The following BRCA2 variants were observed in gnomAD, a reference collection of about 807,000 sequenced individuals.
BRCA2 encodes breast cancer type 2 susceptibility protein.
Under a neutral mutation model 276.7 loss-of-function variants are expected in BRCA2, and 203 were observed. That is an observed-to-expected ratio of 0.73 (90% confidence interval 0.65 to 0.82). BRCA2 has a LOEUF of 0.82. Ranked by LOEUF, BRCA2 falls within the 40% of genes least tolerant of loss-of-function variation. The pLI is 0.00. For synonymous variants in BRCA2, 1,289 were observed against 1,338.4 expected (o/e 0.96, Z 0.81); for missense variants, 3,920 against 3,915.0 (o/e 1.00, Z -0.03).
rs2137620314 is a variant in BRCA2, at chr13:32,379,465, C to T, written c.8903C>T (p.Thr2968Ile). ...KEQGLSRDVT[T>I]VWKLRIVSYS... Reference sequence around the variant, plus strand: ...CAAGGTTTATCAAGGGATGTCACAACCGTGTGGAAGTTGCGTATTGTAAGC... The same window carrying T: ...CAAGGTTTATCAAGGGATGTCACAATCGTGTGGAAGTTGCGTATTGTAAGC... Residue 2968 changes from threonine (T) to isoleucine (I), a missense_variant, in exon 22 of 27, where the codon ACC becomes ATC. Physicochemically the swap from Thr to Ile is moderately conservative, Grantham distance 89 (BLOSUM62 -1). This residue lies in a region of BRCA2 where 657 missense variants were observed against 758.2 expected (regional missense o/e 0.87). Coordinates refer to ENST00000380152, the MANE Select transcript of BRCA2 (RefSeq NM_000059.4). 1 of 1,613,272 alleles carries T rather than the reference C, an allele frequency of 6.2e-7. No homozygotes were observed. Among genetic ancestry groups the T allele is most frequent in the Non-Finnish European group, 8.5e-7 (1 of 1,179,754 alleles).
Position 32,336,760 on chromosome 13 carries a change from A to G in BRCA2, c.2405A>G (p.Asn802Ser), listed in dbSNP as rs876661089. 1 of 1,612,922 alleles carries G rather than the reference A, an allele frequency of 6.2e-7. No individual in the cohort carries two copies. Among genetic ancestry groups the G allele is most frequent in the East Asian group, 2.2e-5 (1 of 44,862 alleles). ...YKMSDKLKGN[N>S]YESDVELTKN... ...ATGTCAGACAAGCTCAAAGGTAACAATTATGAATCTGATGTTGAATTAACC... is the reference window on the plus strand; with the variant it reads ...ATGTCAGACAAGCTCAAAGGTAACAGTTATGAATCTGATGTTGAATTAACC... Residue 802 changes from asparagine to serine, a missense_variant, in exon 11 of 27, where the codon AAT becomes AGT. Physicochemically the swap from Asn to Ser is conservative, Grantham distance 46. Coordinates refer to ENST00000380152, the MANE Select transcript of BRCA2 (RefSeq NM_000059.4).
intron 16 of BRCA2, among the ~76,000 whole-genome samples, chr13:32,359,753 A>T (rs1467440798): frequency 6.6e-6 from 1 of 152,254 alleles, no homozygotes; most frequent in Non-Finnish European, 1.5e-5. Flanking sequence ...TACTAAATAG[A>T]CTGCATAAGG....
Position 32,384,815 on chromosome 13 carries a change from G to T in BRCA2, c.9256+4670G>T, listed in dbSNP as rs1397013473. 20 of 274,708 alleles carry T rather than the reference G, an allele frequency of 7.3e-5. No homozygotes were observed. In the Admixed American group the frequency reaches 7.4e-4, roughly 10 times the overall value. The allele number at this position is 274,708 out of a possible 1,614,324, so 17.0% of individuals were successfully genotyped here. On this transcript the variant is annotated intron_variant, in intron 24 of 26. Coordinates refer to ENST00000380152, the MANE Select transcript of BRCA2 (RefSeq NM_000059.4). ...GGTTTCTAGACTAAATACAGTGTGGGAATACACAATACACAACCTACTAGC... is the reference window on the plus strand; with the variant it reads ...GGTTTCTAGACTAAATACAGTGTGGTAATACACAATACACAACCTACTAGC...
intron 11 of BRCA2, among the ~76,000 whole-genome samples, chr13:32,343,977 A>G (rs1435239263): frequency 6.6e-6 from 1 of 152,134 alleles, no homozygotes; most frequent in Non-Finnish European, 1.5e-5. Flanking sequence ...TTATCTCAGC[A>G]TGACATGGAA....
Position 32,336,379 on chromosome 13 carries a change from C to T in BRCA2, c.2024C>T (p.Thr675Ile), listed in dbSNP as rs80358484. The T allele has an allele frequency of 6.2e-7, 1 of 1,610,940 alleles. No individual in the cohort carries two copies. Among genetic ancestry groups the T allele is most frequent in the Non-Finnish European group, 8.5e-7 (1 of 1,178,828 alleles). Residue 675 changes from threonine (T) to isoleucine (I), a missense_variant, in exon 11 of 27, where the codon ACA (threonine) becomes ATA (isoleucine). Physicochemically the swap from Thr to Ile is moderately conservative, Grantham distance 89. Coordinates refer to ENST00000380152, the MANE Select transcript of BRCA2 (RefSeq NM_000059.4). ...CTGAGGAAATGTTCTAGAAATGAAACATGTTCTAATAATACAGTAATCTCT... is the reference window on the plus strand; with the variant it reads ...CTGAGGAAATGTTCTAGAAATGAAATATGTTCTAATAATACAGTAATCTCT... ...TILRKCSRNE[T>I]CSNNTVISQD...
chr13:32,326,325 G>T (rs755939798), intron 6 of BRCA2, 43 bp downstream of exon 6: 1 of 1,585,204 alleles, frequency 6.3e-7, no homozygotes, highest in South Asian at 1.1e-5. Flanking sequence ...TAGTAATTGA[G>T]AATTTGACAA....
chr13:32,340,932 G>T lies in BRCA2; in HGVS notation c.6577G>T (p.Glu2193Ter), dbSNP rs2137528721. 6.2e-7 allele frequency: 1 copy of T among 1,610,318 alleles called. No individual in the cohort carries two copies. The highest frequency in any genetic ancestry group is 8.5e-7 in the Non-Finnish European group (1 of 1,179,174). ...EQASPKNVKM[E>*]IGKTETFSDV... ...GGCTTCACCTAAAAACGTAAAAATG[G>T]AAATTGGTAAAACTGAAACTTTTTC... Residue 2193 changes from glutamate (E) to a stop codon, truncating the protein, a stop_gained, in exon 11 of 27, where the codon GAA becomes TAA. Transcript: ENST00000380152. LOFTEE classifies it high-confidence loss of function.
intron 16 of BRCA2, among the ~76,000 whole-genome samples, chr13:32,360,000 A>T (rs1478500986): frequency 1.3e-5 from 2 of 152,366 alleles, no homozygotes; most frequent in East Asian, 3.9e-4. Context: ...TTAGAAGAAG[A>T]TACATACTAT....
intron 10 of BRCA2, among the ~76,000 whole-genome samples, chr13:32,334,964 C>A (rs1027403847): frequency 1.3e-5 from 2 of 152,152 alleles, no homozygotes; most frequent in South Asian, 2.1e-4. Context: ...GTTGGTGAGA[C>A]CACAGTACAG....
chr13:32,327,990 G>A (rs1242874682), intron 7 of BRCA2, among the ~76,000 whole-genome samples: 1 of 151,708 alleles, frequency 6.6e-6, no homozygotes. Context: ...CCGCCATGTT[G>A]CCCACACTTG....
At position 32,336,503 on chromosome 13, in the gene BRCA2, G is replaced by C. The variant is rs876659550; in HGVS notation, c.2148G>C (p.Gln716His). The change falls in exon 11 of 27, where the codon CAG becomes CAC. Residue 716 changes from glutamine (Q) to histidine (H), a missense_variant. Transcript: ENST00000380152. Reference sequence around the variant, plus strand: ...CTCTGTCATGCCTGCAGGAAGGACAGTGTGAAAATGATCCAAAAAGCAAAA... The same window carrying C: ...CTCTGTCATGCCTGCAGGAAGGACACTGTGAAAATGATCCAAAAAGCAAAA... ...ADSLSCLQEG[Q>H]CENDPKSKKV... The C allele has an allele frequency of 7.4e-6, 12 of 1,614,006 alleles. No homozygotes were observed. Among genetic ancestry groups the C allele is most frequent in the Non-Finnish European group, 9.3e-6 (11 of 1,180,022 alleles).
intron 26 of BRCA2, among the ~76,000 whole-genome samples, chr13:32,397,392 A>G (rs1566260440): frequency 6.6e-6 from 1 of 152,246 alleles, no homozygotes; most frequent in Non-Finnish European, 1.5e-5. Flanking sequence ...AAATCAAGCT[A>G]AAGTCTTTAA....
At chr13:32,333,680 C>T (rs1593894390) in intron 10 of BRCA2, among the ~76,000 whole-genome samples, 1 of 152,056 alleles carries the variant, frequency 6.6e-6, no homozygotes, top group Admixed American at 6.6e-5. Flanking sequence ...AAACGTATGC[C>T]ATGTTGGTTT....
rs2072472508 is a variant in BRCA2 at position 32,337,457 on chromosome 13, T to C, written c.3102T>C (p.Ile1034=). 6.2e-7 allele frequency: 1 copy of C among 1,612,754 alleles called. No homozygotes were observed. The highest frequency in any genetic ancestry group is 8.5e-7 in the Non-Finnish European group (1 of 1,179,320). The change falls in exon 11 of 27, where the codon ATT becomes ATC. Residue 1034 remains isoleucine (I), a synonymous_variant. Transcript: ENST00000380152. ...IKKSKMFFKD[I]EEQYPTSLAC... ...AGAGCAAAATGTTCTTCAAAGATAT[T>C]GAAGAACAATATCCTACTAGTTTAG...
chr13:32,326,999 T>C (rs1469617055), intron 7 of BRCA2, among the ~76,000 whole-genome samples: 1 of 152,242 alleles, frequency 6.6e-6, no homozygotes, highest in Non-Finnish European at 1.5e-5. Context: ...TTAAATGTGT[T>C]CTAAGGTCTG....
At position 32,338,941 on chromosome 13, in the gene BRCA2, G is replaced by A. The variant is rs2072508418; in HGVS notation, c.4586G>A (p.Gly1529Glu). The change falls in exon 11 of 27, where the codon GGG becomes GAG. Residue 1529 changes from glycine to glutamate, a missense_variant. By Grantham distance (98) the Gly-to-Glu change is moderately conservative (BLOSUM62 -2). This residue lies in a region of BRCA2 where 3,263 missense variants were observed against 3,156.9 expected (regional missense o/e 1.03). Transcript: ENST00000380152. ...PTLLGFHTAS[G>E]KKVKIAKESL... ...CTATTGGGTTTTCATACAGCTAGCG[G>A]GAAAAAAGTTAAAATTGCAAAGGAA... is the stretch of plus-strand genomic sequence containing the variant. 6.2e-7 allele frequency: 1 copy of A among 1,613,822 alleles called. No homozygotes were observed. The highest frequency in any genetic ancestry group is 8.5e-7 in the Non-Finnish European group (1 of 1,179,880).
intron 2 of BRCA2, among the ~76,000 whole-genome samples, chr13:32,317,789 A>G (rs1388283212): frequency 6.6e-6 from 1 of 152,248 alleles, no homozygotes; most frequent in Non-Finnish European, 1.5e-5. Flanking sequence ...CAGCAACAAG[A>G]TCACTTCATT....
At chr13:32,328,967 T>C (rs985842680) in intron 7 of BRCA2, among the ~76,000 whole-genome samples, 1 of 152,198 alleles carries the variant, frequency 6.6e-6, no homozygotes, top group Admixed American at 6.5e-5. Context: ...TTGTTTATTC[T>C]AGCAAAATAG....
At chr13:32,376,869 A>T in intron 21 of BRCA2, 78 bp downstream of exon 21, 1 of 1,570,302 alleles carries the variant, frequency 6.4e-7, no homozygotes. Flanking sequence ...TCTGGCCATC[A>T]CAGGAAGGAG....
Sources: allele counts gnomAD v4.1 joint callset (sites outside exome capture counted in the v4.1 genomes callset), GRCh38; gene constraint gnomAD v4.1.1; regional missense constraint gnomAD v4.1.1; transcripts MANE v1.5; gene names NCBI Gene and HGNC (gene_info 2026-07-23, HGNC 2026-07-21).